The following FGF5 variants were observed in gnomAD, a reference collection of about 807,000 sequenced individuals.
The protein encoded by FGF5 is heparin-binding growth factor 5.
Under a neutral mutation model 21.8 loss-of-function variants are expected in FGF5, and 23 were observed. That is an observed-to-expected ratio of 1.05 (90% CI 0.76 to 1.49). The LOEUF (loss-of-function observed/expected upper bound fraction) is 1.49, where lower values mean the gene tolerates loss of function less well. FGF5 is among the 40% of genes most tolerant of loss of function. The pLI is 0.00. For synonymous variants in FGF5, 158 were observed against 124.0 expected, an observed-to-expected ratio of 1.27 and a Z score of -1.82; for missense variants, 352 against 332.9, an observed-to-expected ratio of 1.06 and a Z score of -0.45.
intron 2 of FGF5, among the ~76,000 whole-genome samples, chr4:80,284,181 C>T (rs558386623): frequency 2.6e-5 from 4 of 152,174 alleles, no homozygotes; most frequent in Non-Finnish European, 5.9e-5. Flanking sequence ...ACACCTGAAT[C>T]CCAGCACTTT....
At position 80,286,422 on chromosome 4, in the gene FGF5, G is replaced by A. The variant is rs759008533; in HGVS notation, c.557G>A (p.Arg186Gln). ...SAIHRTEKTG[R>Q]EWYVALNKRG... ...ATACATAGAACTGAAAAAACAGGGC[G>A]GGAGTGGTATGTGGCCCTGAATAAA... is the stretch of plus-strand genomic sequence containing the variant. Residue 186 changes from arginine (R) to glutamine (Q), a missense_variant, in exon 3 of 3, where the codon CGG (arginine) becomes CAG (glutamine). Physicochemically the swap from Arg to Gln is conservative, Grantham distance 43. Coordinates refer to ENST00000312465, the MANE Select transcript of FGF5 (RefSeq NM_004464.4). 5.0e-6 allele frequency: 8 copies of A among 1,613,944 alleles called. No individual in the cohort carries two copies. The highest frequency in any genetic ancestry group is 1.1e-5 in the South Asian group (1 of 91,072).
At chr4:80,282,344 T>A (rs1280401564) in intron 2 of FGF5, among the ~76,000 whole-genome samples, 1 of 152,170 alleles carries the variant, frequency 6.6e-6, no homozygotes, top group Non-Finnish European at 1.5e-5. Flanking sequence ...GTTCGATTTG[T>A]TTAAAGTTCT....
rs762747780 is a variant in FGF5, at chr4:80,272,909, C to T, written c.356-2000C>T. Among the ~76,000 whole-genome samples, 8 of 152,148 alleles carry T rather than the reference C, an allele frequency of 5.3e-5. No individual in the cohort carries two copies. In the East Asian group the frequency reaches 1.2e-3, roughly 22 times the overall value. On this transcript the variant is annotated intron_variant, in intron 1 of 2. Coordinates refer to ENST00000312465, the MANE Select transcript of FGF5 (RefSeq NM_004464.4). The stretch of plus-strand genomic sequence containing the variant: ...TCCCAAATATCTAAAATCATTAATG[C>T]TATTCCCAATATCATTCCGTATTTC...
intron 1 of FGF5, among the ~76,000 whole-genome samples, chr4:80,271,713 C>A (rs1431743517): frequency 1.3e-5 from 2 of 152,126 alleles, no homozygotes; most frequent in African/African-American, 4.8e-5. Context: ...TGGCCTTCCA[C>A]AGTTTGGCTT....
intron 2 of FGF5, among the ~76,000 whole-genome samples, chr4:80,279,131 G>A (rs919303537): frequency 9.2e-5 from 14 of 152,264 alleles, no homozygotes; most frequent in African/African-American, 3.1e-4. Context: ...AGGAGTGAAA[G>A]GCCTTGAGTG....
chr4:80,279,796 A>C (rs1402681115), intron 2 of FGF5, among the ~76,000 whole-genome samples: 1 of 152,240 alleles, frequency 6.6e-6, no homozygotes, highest in Non-Finnish European at 1.5e-5. Flanking sequence ...AAAGATCCAG[A>C]GAGAAGCATG....
In FGF5 at chr4:80,288,336, T is replaced by C. The variant is rs1720797658; in HGVS notation, c.*1664T>C. 6.6e-6 allele frequency: 1 copy of C among 152,112 alleles called. No homozygotes were observed. The highest frequency in any genetic ancestry group is 2.1e-4 in the South Asian group (1 of 4,832). 9.4% of individuals were successfully genotyped at this position (152,112 alleles called of 1,614,324 possible). A position where few individuals can be genotyped will look rare whatever the true frequency, so the allele number is the denominator to read the frequency against. ...GTACACACATATATATAACAAATAA[T>C]ATATTAAAAAACCCATCCATCAACT... On this transcript the variant is annotated 3_prime_UTR_variant, in exon 3 of 3. Transcript: ENST00000312465.
At chr4:80,280,211 A>C (rs1376781268) in intron 2 of FGF5, among the ~76,000 whole-genome samples, 1 of 152,248 alleles carries the variant, frequency 6.6e-6, no homozygotes, top group East Asian at 1.9e-4. Flanking sequence ...ATACAGTAAA[A>C]TGGAATGTCT....
chr4:80,270,249 G>C (rs1402785995), intron 1 of FGF5, among the ~76,000 whole-genome samples: 1 of 152,182 alleles, frequency 6.6e-6, no homozygotes, highest in East Asian at 1.9e-4. Context: ...AAAAGTCAAA[G>C]CTTTGCCATG....
At position 80,287,908 on chromosome 4, in the gene FGF5, G is replaced by A. The variant is rs1720782311; in HGVS notation, c.*1236G>A. 6.6e-6 allele frequency: 1 copy of A among 152,090 alleles called. No homozygotes were observed. Among genetic ancestry groups the A allele is most frequent in the South Asian group, 2.1e-4 (1 of 4,820 alleles). 9.4% of individuals were successfully genotyped at this position (152,090 alleles called of 1,614,324 possible). The stretch of plus-strand genomic sequence containing the variant: ...TATTAAAAAAACTGGCCTTTTGATA[G>A]AGGTAACTTAATTTGGGAATTTGTT... On this transcript the variant is annotated 3_prime_UTR_variant, in exon 3 of 3. Transcript: ENST00000312465.
chr4:80,286,075 C>G (rs755703230), intron 2 of FGF5, among the ~76,000 whole-genome samples: 1 of 151,756 alleles, frequency 6.6e-6, no homozygotes, highest in Non-Finnish European at 1.5e-5. Context: ...TTATAGTCAT[C>G]GATATTATGT....
chr4:80,279,463 G>T (rs369099653), intron 2 of FGF5, among the ~76,000 whole-genome samples: 3 of 152,052 alleles, frequency 2.0e-5, no homozygotes, highest in Admixed American at 6.6e-5. Context: ...AATTATTCAG[G>T]CCAGCCCCAA....
chr4:80,284,723 T>C (rs915881970), intron 2 of FGF5, among the ~76,000 whole-genome samples: 6 of 152,220 alleles, frequency 3.9e-5, no homozygotes, highest in Admixed American at 2.0e-4. Flanking sequence ...AGAAACTCCA[T>C]GTGGACTTCA....
rs1437031648 is a variant in FGF5 at position 80,266,694 on chromosome 4, C to T, written c.-131C>T. 2.6e-6 allele frequency: 2 copies of T among 777,502 alleles called. No individual in the cohort carries two copies. The highest frequency in any genetic ancestry group is 4.1e-6 in the Non-Finnish European group (2 of 486,024). 48.2% of individuals were successfully genotyped at this position (777,502 alleles called of 1,614,324 possible). On this transcript the variant is annotated 5_prime_UTR_variant, in exon 1 of 3. Coordinates refer to ENST00000312465, the MANE Select transcript of FGF5 (RefSeq NM_004464.4). ...GGTGGCCTCTCTCTTCCCCTCTCCC[C>T]TTCTCTTCCCCGAGGCTATGTCCAC... is the stretch of plus-strand genomic sequence containing the variant.
intron 1 of FGF5, among the ~76,000 whole-genome samples, chr4:80,270,365 C>T (rs1578291187): frequency 2.1e-5 from 3 of 144,088 alleles, no homozygotes; most frequent in East Asian, 4.0e-4. Flanking sequence ...TGACAGTAAA[C>T]TTTTTTTTTT....
intron 2 of FGF5, among the ~76,000 whole-genome samples, chr4:80,278,441 G>A (rs1375973847): frequency 2.0e-5 from 3 of 152,104 alleles, no homozygotes; most frequent in Non-Finnish European, 4.4e-5. Context: ...GGATGTGTCT[G>A]CCACAGAATT....
chr4:80,280,399 T>C lies in FGF5; in HGVS notation c.459+5387T>C, dbSNP rs182695293. 6.8e-4 allele frequency among the ~76,000 whole-genome samples: 104 copies of C among 152,342 alleles called. 1 individual carries two copies. The highest frequency in any genetic ancestry group is 1.2e-3 in the Admixed American group (19 of 15,302). ...CAGAAAGTGAGACATGGTAATATAT[T>C]TCTTTGATGATTTGAAGAGTGACAC... On this transcript the variant is annotated intron_variant, in intron 2 of 2. Transcript: ENST00000312465.
intron 2 of FGF5, among the ~76,000 whole-genome samples, chr4:80,279,593 C>T (rs150708986): frequency 1.1e-3 from 172 of 152,308 alleles, no homozygotes; most frequent in African/African-American, 3.9e-3. Flanking sequence ...AATTTCCAAG[C>T]TCAACCTCTT....
In FGF5 at chr4:80,286,658, T is replaced by C. The variant is rs766466566; in HGVS notation, c.793T>C (p.Phe265Leu). ...CAACTCAGTGAAATACAGACTCAAG[T>C]TTCGCTTTGGATAATATTCCTCTTG... ...NTNSVKYRLK[F>L]RFG Residue 265 changes from phenylalanine (F) to leucine (L), a missense_variant, in exon 3 of 3, where the codon TTT becomes CTT. Transcript: ENST00000312465. The C allele has an allele frequency of 1.9e-6, 3 of 1,613,472 alleles. No homozygotes were observed. Among genetic ancestry groups the C allele is most frequent in the Non-Finnish European group, 2.5e-6 (3 of 1,179,674 alleles).
Sources: allele counts gnomAD v4.1 joint callset (sites outside exome capture counted in the v4.1 genomes callset), GRCh38; gene constraint gnomAD v4.1.1; transcripts MANE v1.5; gene names NCBI Gene and HGNC (gene_info 2026-07-23, HGNC 2026-07-21).